RBFOX1: variants seen among roughly 807,000 people sequenced by gnomAD.
RBFOX1 encodes the protein RNA binding protein fox-1 homolog 1.
RBFOX1 carries 8 observed loss-of-function variants against 57.7 expected under a neutral mutation model. The observed-to-expected ratio is 0.14, with a 90% CI of 0.08 to 0.25. The LOEUF (loss-of-function observed/expected upper bound fraction) is 0.25, where lower values mean the gene tolerates loss of function less well. Among genes scored for constraint, RBFOX1 ranks in the 10% least tolerant of loss-of-function variants. The pLI is 1.00. For synonymous variants in RBFOX1, 326 were observed against 222.4 expected, an observed-to-expected ratio of 1.47 and a Z score of -4.15; for missense variants, 611 against 548.5, an observed-to-expected ratio of 1.11 and a Z score of -1.14.
intron 4 of RBFOX1, among the ~76,000 whole-genome samples, chr16:7,143,874 G>C (rs1314243495): frequency 1.3e-5 from 2 of 152,146 alleles, no homozygotes; most frequent in African/African-American, 4.8e-5. Context: ...TAGAAGGTAA[G>C]AGCTACTACT....
chr16:6,850,162 T>G (rs748497845), intron 3 of RBFOX1, among the ~76,000 whole-genome samples: 2 of 152,314 alleles, frequency 1.3e-5, no homozygotes, highest in African/African-American at 2.4e-5. Flanking sequence ...TCCTTTCCCT[T>G]TATCATTTAG....
intron 1 of RBFOX1, among the ~76,000 whole-genome samples, chr16:6,273,833 A>G (rs1169381893): frequency 2.0e-5 from 3 of 152,258 alleles, no homozygotes; most frequent in East Asian, 1.9e-4. Flanking sequence ...AAAATCTAGA[A>G]TATATGAGGA....
intron 3 of RBFOX1, among the ~76,000 whole-genome samples, chr16:6,700,475 T>C (rs1213189920): frequency 6.6e-6 from 1 of 151,846 alleles, no homozygotes; most frequent in Non-Finnish European, 1.5e-5. Context: ...CTAGCCAACA[T>C]GGTGAAACCC....
intron 4 of RBFOX1, among the ~76,000 whole-genome samples, chr16:7,507,388 G>A (rs1358444526): frequency 6.6e-6 from 1 of 151,946 alleles, no homozygotes; most frequent in Non-Finnish European, 1.5e-5. Context: ...GGGTCTTACA[G>A]CCTAAGAGAT....
chr16:6,824,925 T>G (rs769904351), intron 3 of RBFOX1, among the ~76,000 whole-genome samples: 1 of 150,828 alleles, frequency 6.6e-6, no homozygotes, highest in Non-Finnish European at 1.5e-5. Flanking sequence ...AGGCAACCAT[T>G]GGTACATGAT....
intron 5 of RBFOX1, among the ~76,000 whole-genome samples, chr16:7,536,821 G>A (rs778638034): frequency 3.3e-5 from 5 of 152,200 alleles, no homozygotes; most frequent in Admixed American, 6.5e-5. Flanking sequence ...TATGGGCATT[G>A]GCAATGCTAC....
At chr16:6,052,544 G>C (rs2095563343) in intron 1 of RBFOX1, among the ~76,000 whole-genome samples, 1 of 152,038 alleles carries the variant, frequency 6.6e-6, no homozygotes, top group Non-Finnish European at 1.5e-5. Context: ...CAGCACTTTG[G>C]GAGGCCGAGG....
intron 14 of RBFOX1, among the ~76,000 whole-genome samples, chr16:7,693,137 TC>T (rs2077740589): frequency 6.6e-6 from 1 of 152,020 alleles, no homozygotes; most frequent in Non-Finnish European, 1.5e-5. Context: ...CTTTAAGAGG[TC>T]CCCGCATGCT....
intron 2 of RBFOX1, among the ~76,000 whole-genome samples, chr16:6,449,281 G>A (rs537844875): frequency 6.6e-6 from 1 of 152,292 alleles, no homozygotes; most frequent in Non-Finnish European, 1.5e-5. Flanking sequence ...AAGAAATCAT[G>A]CTTGCTCGTT....
At chr16:6,139,496 T>C (rs2096696537) in intron 1 of RBFOX1, among the ~76,000 whole-genome samples, 1 of 152,160 alleles carries the variant, frequency 6.6e-6, no homozygotes, top group Non-Finnish European at 1.5e-5. Flanking sequence ...GAGTCATGTG[T>C]TTGTATTTAA....
rs144203236 is a variant in RBFOX1 at position 7,661,544 on chromosome 16, G to T, written c.891-3385G>T. ...TCTGCTGCTGGCCCTGCCTCCTTCC[G>T]TTCCACATTCAGGGCACCTCTGTTG... On this transcript the variant is annotated intron_variant, in intron 12 of 15. Transcript: ENST00000550418. 3.4e-3 allele frequency among the ~76,000 whole-genome samples: 512 copies of T among 152,204 alleles called. 3 individuals carry two copies. Among genetic ancestry groups the T allele is most frequent in the Non-Finnish European group, 5.6e-3 (382 of 67,992 alleles).
At chr16:5,491,858 C>T (rs1347670647) in intron 2 of RBFOX1, among the ~76,000 whole-genome samples, 1 of 152,236 alleles carries the variant, frequency 6.6e-6, no homozygotes, top group Non-Finnish European at 1.5e-5. Context: ...AACAAAACAA[C>T]AGCAACAGGT....
intron 3 of RBFOX1, among the ~76,000 whole-genome samples, chr16:7,036,108 T>C (rs2044333248): frequency 6.6e-6 from 1 of 152,126 alleles, no homozygotes; most frequent in East Asian, 1.9e-4. Context: ...CAGAATAGCA[T>C]GGAAAGACAG....
chr16:7,486,470 C>T (rs73500390), intron 4 of RBFOX1, among the ~76,000 whole-genome samples: 2,795 of 152,026 alleles, frequency 0.018, 85 homozygotes, highest in African/African-American at 0.064. Flanking sequence ...TTAGATTTGT[C>T]CAGTTAATCT....
At position 5,339,470 on chromosome 16, in the gene RBFOX1, G is replaced by GTTTTTTTTTTTTTTTTTTTTTTTTTTT. The variant is rs560472298; in HGVS notation, c.219+99369_219+99395dup. 1.1e-3 allele frequency among the ~76,000 whole-genome samples: 44 copies of GTTTTTTTTTTTTTTTTTTTTTTTTTTT among 40,886 alleles called. 18 individuals carry two copies. Among genetic ancestry groups the GTTTTTTTTTTTTTTTTTTTTTTTTTTT allele is most frequent in the Non-Finnish European group, 1.6e-3 (35 of 22,198 alleles). 26.8% of individuals were successfully genotyped at this position (40,886 alleles called of 152,430 possible). On this transcript the variant is annotated intron_variant, in intron 1 of 2. Transcript: ENST00000585867. ...AAAAGCTAGAAGCTGCTTTTTCCGT[G>GTTTTTTTTTTTTTTTTTTTTTTTTTTT]TTTTTTTTTTTTTTTTTTTTTTTTT...
chr16:7,349,835 G>C (rs902387955), intron 4 of RBFOX1, among the ~76,000 whole-genome samples: 1 of 152,162 alleles, frequency 6.6e-6, no homozygotes, highest in Non-Finnish European at 1.5e-5. Flanking sequence ...GATGCTGTTA[G>C]CTGCTAGGAA....
At chr16:6,557,333 C>G (rs2097119638) in intron 2 of RBFOX1, among the ~76,000 whole-genome samples, 1 of 151,794 alleles carries the variant, frequency 6.6e-6, no homozygotes, top group Admixed American at 6.6e-5. Context: ...GGGAGAAGAA[C>G]TTATGAATGC....
At chr16:6,617,325 CAGAT>C (rs2098157921) in intron 2 of RBFOX1, among the ~76,000 whole-genome samples, 1 of 151,978 alleles carries the variant, frequency 6.6e-6, no homozygotes, top group African/African-American at 2.4e-5. Context: ...GCCTCAAAAA[CAGAT>C]AGGCAGTTGC....
At chr16:7,330,314 C>T (rs1270772547) in intron 4 of RBFOX1, among the ~76,000 whole-genome samples, 1 of 149,880 alleles carries the variant, frequency 6.7e-6, no homozygotes, top group Non-Finnish European at 1.5e-5. Flanking sequence ...CTGTGTAAAT[C>T]ATTGTTATAC....
Sources: gnomAD v4.1 joint callset for allele counts (sites outside exome capture counted in the v4.1 genomes callset) on GRCh38, gnomAD v4.1.1 for gene constraint, MANE v1.5 for transcripts, NCBI Gene and HGNC (gene_info 2026-07-23, HGNC 2026-07-21) for gene names.